CFAP44: variants seen among roughly 807,000 people sequenced by gnomAD.
The protein encoded by CFAP44 is cilia and flagella associated protein 44.
CFAP44 carries 134 observed loss-of-function variants against 216.2 expected under a neutral mutation model. That is an observed-to-expected ratio of 0.62 (90% CI 0.54 to 0.72). CFAP44 has a LOEUF of 0.72. Among genes scored for constraint, CFAP44 ranks in the 30% least tolerant of loss-of-function variants. CFAP44 has a pLI of 0.00. For synonymous variants in CFAP44, 700 were observed against 727.6 expected (o/e 0.96, Z 0.61); for missense variants, 2,035 against 2,182.1 (o/e 0.93, Z 1.34).
chr3:113,330,325 C>T lies in CFAP44; in HGVS notation c.3959G>A (p.Arg1320His), dbSNP rs183028814. Residue 1320 changes from arginine (R) to histidine (H), a missense_variant, in exon 26 of 35, where the codon CGT becomes CAT. Physicochemically the swap from Arg to His is conservative, Grantham distance 29. Around this residue, in one of 3 missense-constraint regions of CFAP44, gnomAD observed 1,883 missense variants for 2,023.7 expected, o/e 0.93. Transcript: ENST00000393845. ...CTTTGATGATCTAGATATTGAATCA[C>T]GGGTTGTCAAATCCCCATCCTTTCT... ...SSRKDGDLTT[R>H]DSISRSSKAS... 43 of 1,537,278 alleles carry T rather than the reference C, an allele frequency of 2.8e-5. No homozygotes were observed. The Admixed American group carries it at 3.5e-4, about 13-fold the overall frequency.
chr3:113,424,977 A>T (rs76802077), intron 4 of CFAP44, among the ~76,000 whole-genome samples: 4,346 of 152,298 alleles, frequency 0.029, 108 homozygotes, highest in East Asian at 0.1. Flanking sequence ...AGGTCCCGGA[A>T]GGCATCAGAG....
At chr3:113,338,209 A>G (rs1950297492) in intron 24 of CFAP44, among the ~76,000 whole-genome samples, 1 of 133,536 alleles carries the variant, frequency 7.5e-6, no homozygotes, top group Non-Finnish European at 1.6e-5. Context: ...GTGAGCTGAG[A>G]TTGCACCACT....
chr3:113,417,813 C>T (rs1266662448), intron 5 of CFAP44, among the ~76,000 whole-genome samples: 1 of 151,990 alleles, frequency 6.6e-6, no homozygotes, highest in Non-Finnish European at 1.5e-5. Flanking sequence ...AGCAAACGGG[C>T]CTAAGAAATA....
At chr3:113,384,336 G>A (rs1426702373) in intron 15 of CFAP44, among the ~76,000 whole-genome samples, 2 of 152,136 alleles carry the variant, frequency 1.3e-5, no homozygotes, top group African/African-American at 4.8e-5. Flanking sequence ...TGGGATTACA[G>A]GTGTGAGCCA....
chr3:113,327,675 G>A lies in CFAP44; in HGVS notation c.4261C>T (p.Gln1421Ter). 4 of 1,536,966 alleles carry A rather than the reference G, an allele frequency of 2.6e-6. No homozygotes were observed. The highest frequency in any genetic ancestry group is 3.5e-6 in the Non-Finnish European group (4 of 1,146,718). ...ACACGTTCTTGAAGTATGTTCTCCTGTTTTTCAAAATTCTTCAGGAGAAGT... is the reference window on the plus strand; with the variant it reads ...ACACGTTCTTGAAGTATGTTCTCCTATTTTTCAAAATTCTTCAGGAGAAGT... Reference protein sequence around the residue: ...EILLLKNFEKQENILQERVNS... With the variant: ...EILLLKNFEK Residue 1421 changes from glutamine (Q) to a stop codon, truncating the protein, a stop_gained, in exon 27 of 35, where the codon CAG becomes TAG. Coordinates refer to ENST00000393845, the MANE Select transcript of CFAP44 (RefSeq NM_001164496.2). LOFTEE classifies it high-confidence loss of function.
intron 32 of CFAP44, among the ~76,000 whole-genome samples, chr3:113,299,962 T>C (rs1949918383): frequency 6.6e-6 from 1 of 152,118 alleles, no homozygotes. Flanking sequence ...GCCTGAGAGG[T>C]CAAGGCTGCA....
intron 34 of CFAP44, among the ~76,000 whole-genome samples, chr3:113,293,645 T>C (rs766206636): frequency 3.3e-5 from 5 of 152,234 alleles, no homozygotes; most frequent in Non-Finnish European, 5.9e-5. Flanking sequence ...GGGTTAGGTA[T>C]TAACCTTCTC....
At chr3:113,383,431 C>A (rs1425229039) in intron 15 of CFAP44, among the ~76,000 whole-genome samples, 1 of 152,188 alleles carries the variant, frequency 6.6e-6, no homozygotes, top group African/African-American at 2.4e-5. Flanking sequence ...AAGGGCTCCA[C>A]CCTCATGACC....
intron 22 of CFAP44, among the ~76,000 whole-genome samples, chr3:113,357,891 A>G (rs1003326652): frequency 2.6e-5 from 4 of 152,326 alleles, no homozygotes; most frequent in Admixed American, 6.5e-5. Context: ...AACGTACACA[A>G]TGTTCATAGT....
At chr3:113,416,648 C>T (rs1190071647) in intron 5 of CFAP44, 21 bp from the exon 6 acceptor site, 12 of 1,531,894 alleles carry the variant, frequency 7.8e-6, no homozygotes, top group Non-Finnish European at 1.1e-5. Context: ...TAAAATTTCA[C>T]CAAAATATTA....
chr3:113,347,332 C>T (rs1439433025), intron 22 of CFAP44, among the ~76,000 whole-genome samples: 1 of 152,082 alleles, frequency 6.6e-6, no homozygotes, highest in African/African-American at 2.4e-5. Flanking sequence ...AGTTGGTTGA[C>T]CCTGTAGCCA....
At chr3:113,323,123 A>C (rs74418290) in intron 28 of CFAP44, among the ~76,000 whole-genome samples, 13,884 of 152,250 alleles carry the variant, frequency 0.091, 833 homozygotes, top group African/African-American at 0.16. Context: ...TGTGGGGATT[A>C]TGGGGACCAA....
At chr3:113,339,438 C>T (rs1950310559) in intron 24 of CFAP44, among the ~76,000 whole-genome samples, 2 of 152,150 alleles carry the variant, frequency 1.3e-5, no homozygotes, top group South Asian at 4.1e-4. Flanking sequence ...GCCATAGGTA[C>T]CACTGCGGTA....
intron 33 of CFAP44, 95 bp from the exon 34 acceptor site, chr3:113,294,916 T>C (rs1949866453): frequency 7.5e-7 from 1 of 1,338,640 alleles, no homozygotes; most frequent in African/African-American, 1.5e-5. Flanking sequence ...ATCAGGCAAA[T>C]GGAGCAATGT....
At position 113,440,496 on chromosome 3, in the gene CFAP44, T is replaced by TA. The variant is rs754404269; in HGVS notation, c.-6+956dup. Among the ~76,000 whole-genome samples, 4 of 152,356 alleles carry TA rather than the reference T, an allele frequency of 2.6e-5. No homozygotes were observed. In the South Asian group the frequency reaches 6.2e-4, roughly 24 times the overall value. ...CATGTAGATGATTTCCAAGTCCTGT[T>TA]ACTTGGTGTCCAGTGATTAAGCCTT... On this transcript the variant is annotated intron_variant, in intron 1 of 34. Coordinates refer to ENST00000393845, the MANE Select transcript of CFAP44 (RefSeq NM_001164496.2).
chr3:113,347,172 A>G (rs1950393219), intron 22 of CFAP44, among the ~76,000 whole-genome samples: 1 of 152,142 alleles, frequency 6.6e-6, no homozygotes, highest in Non-Finnish European at 1.5e-5. Context: ...GACTAAAGAC[A>G]TGGGTGTCAG....
chr3:113,402,314 TGTCTC>T (rs1384008181), intron 9 of CFAP44, among the ~76,000 whole-genome samples: 1 of 152,218 alleles, frequency 6.6e-6, no homozygotes, highest in African/African-American at 2.4e-5. Flanking sequence ...CCACCAAACA[TGTCTC>T]AGTAAGTGAG....
At chr3:113,325,028 G>A (rs1950176925) in intron 28 of CFAP44, among the ~76,000 whole-genome samples, 2 of 152,144 alleles carry the variant, frequency 1.3e-5, no homozygotes, top group African/African-American at 4.8e-5. Flanking sequence ...AAGGGGCCGG[G>A]CACAGTGGCT....
At chr3:113,303,602 G>A (rs899950180) in intron 32 of CFAP44, among the ~76,000 whole-genome samples, 1 of 152,148 alleles carries the variant, frequency 6.6e-6, no homozygotes, top group Non-Finnish European at 1.5e-5. Flanking sequence ...ATGGGGCTTC[G>A]ATTGTATCTC....
Sources: allele counts gnomAD v4.1 joint callset (sites outside exome capture counted in the v4.1 genomes callset), GRCh38; gene constraint gnomAD v4.1.1; regional missense constraint gnomAD v4.1.1; transcripts MANE v1.5; gene names NCBI Gene and HGNC (gene_info 2026-07-23, HGNC 2026-07-21).